SEPTIN14: variants seen among roughly 807,000 people sequenced by gnomAD.
The protein encoded by SEPTIN14 is septin-14.
A neutral mutation model predicts 53.6 loss-of-function variants in SEPTIN14; 40 were observed. The ratio of observed to expected loss-of-function variants is 0.75; its 90% CI spans 0.58 to 0.97. SEPTIN14 has a LOEUF of 0.97. SEPTIN14 is among the 50% of genes least tolerant of loss of function. The pLI, the probability that SEPTIN14 is intolerant of heterozygous loss-of-function variation, is 0.00. For synonymous variants in SEPTIN14, 138 were observed against 166.8 expected (o/e 0.83, Z 1.33); for missense variants, 471 against 508.2 (o/e 0.93, Z 0.70).
intron 2 of SEPTIN14, among the ~76,000 whole-genome samples, chr7:55,858,091 C>G (rs1016937574): frequency 2.0e-5 from 3 of 152,176 alleles, no homozygotes; most frequent in Admixed American, 6.5e-5. Context: ...AATAAAAAAG[C>G]CTTCATCTAT....
chr7:55,844,299 T>C (rs898436449), intron 4 of SEPTIN14, among the ~76,000 whole-genome samples: 2 of 152,084 alleles, frequency 1.3e-5, no homozygotes, highest in African/African-American at 4.8e-5. Context: ...CTAAAACTAA[T>C]AGAAGCTATA....
intron 9 of SEPTIN14, among the ~76,000 whole-genome samples, chr7:55,797,795 C>T (rs1788454781): frequency 6.6e-6 from 1 of 152,138 alleles, no homozygotes; most frequent in Non-Finnish European, 1.5e-5. Flanking sequence ...ATGGCGAAAC[C>T]CTATCTCTAC....
chr7:55,810,298 TTG>T (rs1278680457), intron 7 of SEPTIN14, among the ~76,000 whole-genome samples: 5 of 152,108 alleles, frequency 3.3e-5, no homozygotes, highest in Admixed American at 1.3e-4. Context: ...CCATTTTTCC[TTG>T]TGTTATTTGT....
chr7:55,804,798 T>C (rs191844101), intron 9 of SEPTIN14, among the ~76,000 whole-genome samples: 241 of 152,304 alleles, frequency 1.6e-3, no homozygotes, highest in African/African-American at 5.6e-3. Context: ...ATAGCTTTTT[T>C]CCCCATTTTA....
intron 2 of SEPTIN14, among the ~76,000 whole-genome samples, chr7:55,860,165 G>T (rs1319695731): frequency 1.4e-5 from 2 of 146,806 alleles, no homozygotes; most frequent in Admixed American, 1.4e-4. Context: ...GGCAACAAGA[G>T]TGAAACTCCA....
chr7:55,834,633 A>T, intron 5 of SEPTIN14, 47 bp from the exon 6 acceptor site: 1 of 1,498,440 alleles, frequency 6.7e-7, no homozygotes, highest in Non-Finnish European at 9.0e-7. Flanking sequence ...TTCATCTCAC[A>T]GTTTTTTTGT....
intron 7 of SEPTIN14, among the ~76,000 whole-genome samples, chr7:55,816,460 C>T (rs1330867569): frequency 6.6e-6 from 1 of 151,774 alleles, no homozygotes; most frequent in Non-Finnish European, 1.5e-5. Flanking sequence ...CTCATGTGCC[C>T]TATAAATATA....
rs373047198 is a variant in SEPTIN14 at position 55,819,457 on chromosome 7, C to T, written c.721-234G>A. On this transcript the variant is annotated intron_variant, in intron 6 of 9. Coordinates refer to ENST00000388975, the MANE Select transcript of SEPTIN14 (RefSeq NM_207366.3). ...ACAAAAAATTAGCCGGGCATGGTGG[C>T]GGGCGCCTGTAGTCCCAGCTACTCG... Among the ~76,000 whole-genome samples, 12 of 152,062 alleles carry T rather than the reference C, an allele frequency of 7.9e-5. No homozygotes were observed. The East Asian group carries it at 1.5e-3, about 20-fold the overall frequency.
intron 6 of SEPTIN14, among the ~76,000 whole-genome samples, chr7:55,826,644 A>T (rs554222113): frequency 6.6e-5 from 10 of 152,278 alleles, no homozygotes; most frequent in Non-Finnish European, 1.0e-4. Context: ...CTAAAAATAC[A>T]AAAATTAGCC....
intron 6 of SEPTIN14, among the ~76,000 whole-genome samples, chr7:55,821,650 C>T (rs1285638251): frequency 1.3e-5 from 2 of 152,148 alleles, no homozygotes; most frequent in South Asian, 2.1e-4. Flanking sequence ...GGGTTAATCC[C>T]TCCTTACCTA....
chr7:55,820,041 C>A (rs768314303), intron 6 of SEPTIN14, among the ~76,000 whole-genome samples: 1 of 151,986 alleles, frequency 6.6e-6, no homozygotes, highest in Non-Finnish European at 1.5e-5. Context: ...GCTCTGTCAC[C>A]CAGGCTGTAG....
chr7:55,836,813 G>T (rs567241752), intron 5 of SEPTIN14, among the ~76,000 whole-genome samples: 3 of 152,080 alleles, frequency 2.0e-5, no homozygotes, highest in Non-Finnish European at 4.4e-5. Context: ...ACTTGAAGCA[G>T]CTCTTAATTT....
In SEPTIN14 at chr7:55,861,923, A is replaced by G. The variant is rs759982600; in HGVS notation, c.54+20T>C. On this transcript the variant is annotated intron_variant, in intron 2 of 9. Coordinates refer to ENST00000388975, the MANE Select transcript of SEPTIN14 (RefSeq NM_207366.3). ...ATTGAAGTACAAAATGCAGAGTTAT[A>G]TTTGAAAGATATACTTAACTGTATC... 1.1e-5 allele frequency: 16 copies of G among 1,488,094 alleles called. No homozygotes were observed. The highest frequency in any genetic ancestry group is 2.3e-5 in the Admixed American group (1 of 44,140). The allele number at this position is 1,488,094 out of a possible 1,614,324, so 92.2% of individuals were successfully genotyped here.
Position 55,843,137 on chromosome 7 carries a change from A to T in SEPTIN14, c.372-9T>A, listed in dbSNP as rs1265409546. On this transcript the variant is annotated splice_polypyrimidine_tract_variant and intron_variant, in intron 4 of 9. Transcript: ENST00000388975. ...CAACTATTGGTTGGTAGCTAAAAAA[A>T]AATTTATACATTTAGCATAACAGAC... 1 of 1,537,160 alleles carries T rather than the reference A, an allele frequency of 6.5e-7. No individual in the cohort carries two copies. The highest frequency in any genetic ancestry group is 1.4e-5 in the African/African-American group (1 of 71,762).
At chr7:55,859,236 C>G (rs1186308246) in intron 2 of SEPTIN14, among the ~76,000 whole-genome samples, 1 of 151,078 alleles carries the variant, frequency 6.6e-6, no homozygotes, top group Non-Finnish European at 1.5e-5. Context: ...GATTTCAGGT[C>G]TTACTTTTAG....
chr7:55,829,065 T>C (rs1343701038), intron 6 of SEPTIN14, among the ~76,000 whole-genome samples: 1 of 151,990 alleles, frequency 6.6e-6, no homozygotes, highest in African/African-American at 2.4e-5. Flanking sequence ...TGTTTTGTTT[T>C]TTGAAAAGAT....
At chr7:55,799,351 C>CA (rs57842949) in intron 9 of SEPTIN14, among the ~76,000 whole-genome samples, 2,457 of 104,770 alleles carry the variant, frequency 0.023, 31 homozygotes, top group Middle Eastern at 0.029. Flanking sequence ...ACTAAAAATA[C>CA]AAAAAAAAAA....
chr7:55,799,377 G>T (rs1039707120), intron 9 of SEPTIN14, among the ~76,000 whole-genome samples: 1 of 149,776 alleles, frequency 6.7e-6, no homozygotes, highest in African/African-American at 2.5e-5. Flanking sequence ...AATTAGCCAC[G>T]CCTTGTAGTG....
At chr7:55,844,325 T>G (rs536891221) in intron 4 of SEPTIN14, among the ~76,000 whole-genome samples, 198 bp downstream of exon 4, 3 of 152,134 alleles carry the variant, frequency 2.0e-5, no homozygotes, top group Non-Finnish European at 4.4e-5. Context: ...AATTTTTTGC[T>G]ATAACTGGCT....
Sources: allele counts gnomAD v4.1 joint callset (sites outside exome capture counted in the v4.1 genomes callset), GRCh38; gene constraint gnomAD v4.1.1; transcripts MANE v1.5; gene names NCBI Gene and HGNC (gene_info 2026-07-23, HGNC 2026-07-21).